RIMS2: variants seen among roughly 807,000 people sequenced by gnomAD.
The protein encoded by RIMS2 is regulating synaptic membrane exocytosis 2.
A neutral mutation model predicts 174.4 loss-of-function variants in RIMS2; 59 were observed. That is an observed-to-expected ratio of 0.34 (90% CI 0.27 to 0.42). The LOEUF (loss-of-function observed/expected upper bound fraction) is 0.42, where lower values mean the gene tolerates loss of function less well. Ranked by LOEUF, RIMS2 falls within the 10% of genes least tolerant of loss-of-function variation. The pLI is 1.00. For synonymous variants in RIMS2, 606 were observed against 572.5 expected, an observed-to-expected ratio of 1.06 and a Z score of -0.84; for missense variants, 1,620 against 1,666.3, an observed-to-expected ratio of 0.97 and a Z score of 0.48.
intron 19 of RIMS2, among the ~76,000 whole-genome samples, chr8:104,064,380 T>C (rs1293714862): frequency 1.3e-5 from 2 of 152,148 alleles, no homozygotes; most frequent in Non-Finnish European, 2.9e-5. Flanking sequence ...TTGAGCTATT[T>C]ATTAATTCCT....
intron 19 of RIMS2, among the ~76,000 whole-genome samples, chr8:104,172,137 G>A (rs933039982): frequency 2.0e-5 from 3 of 152,298 alleles, no homozygotes; most frequent in East Asian, 3.9e-4. Flanking sequence ...GGCCAATAGG[G>A]GAGATATCCC....
chr8:103,860,699 T>C (rs923115156), intron 3 of RIMS2, among the ~76,000 whole-genome samples: 1 of 152,036 alleles, frequency 6.6e-6, no homozygotes, highest in Admixed American at 6.6e-5. Flanking sequence ...TGGGAAAATA[T>C]GACAAATTTT....
rs1555075311 is a variant in RIMS2 at position 103,976,548 on chromosome 8, C to CTTTTTCTT, written c.2927+1047_2927+1048insCTTTTTTT. The CTTTTTCTT allele has an allele frequency of 8.6e-4, 107 of 124,564 alleles. 2 individuals carry two copies. The highest frequency in any genetic ancestry group is 1.0e-3 in the African/African-American group (32 of 31,102). The allele number at this position is 124,564 out of a possible 1,614,324, so 7.7% of individuals were successfully genotyped here. On this transcript the variant is annotated intron_variant, in intron 16 of 23. Transcript: ENST00000504942. ...TTTTTTTCTTTTTCTTTTTCTTTTT[C>CTTTTTCTT]TTTTTTTTTTTTTTTTTTGAGACAG... is the stretch of plus-strand genomic sequence containing the variant.
intron 3 of RIMS2, among the ~76,000 whole-genome samples, chr8:103,834,695 T>TCTTTCTTTCTTC (rs1442135821): frequency 1.3e-5 from 1 of 79,566 alleles, no homozygotes; most frequent in Non-Finnish European, 2.4e-5. Flanking sequence ...TTTCTTTCTT[T>TCTTTCTTTCTTC]CTTTCTTTCT....
At chr8:103,558,947 T>A (rs1324040721) in intron 1 of RIMS2, among the ~76,000 whole-genome samples, 1 of 152,056 alleles carries the variant, frequency 6.6e-6, no homozygotes, top group Non-Finnish European at 1.5e-5. Flanking sequence ...CATGCATCAT[T>A]TACAGGTAGC....
At chr8:104,199,357 C>G (rs6992548) in intron 19 of RIMS2, among the ~76,000 whole-genome samples, 1 of 151,968 alleles carries the variant, frequency 6.6e-6, no homozygotes, top group Admixed American at 6.6e-5. Context: ...CCACCACGCC[C>G]GGCCTATTTT....
At chr8:103,967,093 G>A (rs1002696743) in intron 15 of RIMS2, among the ~76,000 whole-genome samples, 2 of 142,454 alleles carry the variant, frequency 1.4e-5, no homozygotes, top group South Asian at 2.3e-4. Flanking sequence ...GTCCATAAAT[G>A]TTGATTATAT....
intron 19 of RIMS2, among the ~76,000 whole-genome samples, chr8:104,169,334 ATATAT>A (rs2098818079): frequency 7.4e-5 from 3 of 40,544 alleles, no homozygotes; most frequent in African/African-American, 3.9e-4. Flanking sequence ...ATATATATAT[ATATAT>A]AAAACAGATT....
intron 19 of RIMS2, among the ~76,000 whole-genome samples, chr8:104,099,691 A>G (rs534085377): frequency 6.6e-5 from 10 of 152,302 alleles, no homozygotes; most frequent in East Asian, 5.8e-4. Context: ...AGTTAGATCA[A>G]TTTCAGGATT....
At chr8:103,691,800 A>G (rs1014387540) in intron 1 of RIMS2, among the ~76,000 whole-genome samples, 5 of 152,152 alleles carry the variant, frequency 3.3e-5, no homozygotes, top group African/African-American at 1.2e-4. Context: ...TAGTCTTCAC[A>G]GTCTGGGGTT....
At chr8:103,858,738 CA>C (rs2099042229) in intron 3 of RIMS2, among the ~76,000 whole-genome samples, 1 of 150,486 alleles carries the variant, frequency 6.6e-6, no homozygotes, top group Non-Finnish European at 1.5e-5. Context: ...CCTATACACA[CA>C]CACACACACA....
chr8:103,871,478 T>C (rs1594251598), intron 3 of RIMS2, among the ~76,000 whole-genome samples: 1 of 152,202 alleles, frequency 6.6e-6, no homozygotes, highest in East Asian at 1.9e-4. Flanking sequence ...AATGTGTAGA[T>C]TCAGTTATAT....
chr8:103,964,098 G>A (rs2091061118), intron 15 of RIMS2, among the ~76,000 whole-genome samples: 1 of 152,184 alleles, frequency 6.6e-6, no homozygotes, highest in Non-Finnish European at 1.5e-5. Flanking sequence ...GGTTGCTTCT[G>A]AGTTTTGGCA....
At chr8:104,013,376 G>A in intron 17 of RIMS2, 66 bp from the exon 20 acceptor site, 2 of 1,240,642 alleles carry the variant, frequency 1.6e-6, no homozygotes, top group East Asian at 4.9e-5. Flanking sequence ...TCAGTTTGAT[G>A]CATCATAACC....
chr8:104,009,990 ATGG>A (rs1319397708), intron 17 of RIMS2, among the ~76,000 whole-genome samples: 3 of 151,230 alleles, frequency 2.0e-5, no homozygotes, highest in African/African-American at 7.3e-5. Flanking sequence ...GGATGGATAG[ATGG>A]ATGGATGGAT....
chr8:103,811,129 A>T (rs1027088430), intron 3 of RIMS2, among the ~76,000 whole-genome samples: 1 of 152,138 alleles, frequency 6.6e-6, no homozygotes, highest in Non-Finnish European at 1.5e-5. Flanking sequence ...TGGTGAATGT[A>T]ACTATTGGAG....
Position 103,563,544 on chromosome 8 carries a change from A to G in RIMS2, c.176+62482A>G, listed in dbSNP as rs186490076. Among the ~76,000 whole-genome samples, 478 of 152,306 alleles carry G rather than the reference A, an allele frequency of 3.1e-3. 4 individuals carry two copies. The highest frequency in any genetic ancestry group is 0.011 in the African/African-American group (449 of 41,574). On this transcript the variant is annotated intron_variant, in intron 1 of 23. Transcript: ENST00000504942. The stretch of plus-strand genomic sequence containing the variant: ...TCAGCATTTTGGTCAAAGCCATTCA[A>G]CAAGTCACTAGGGAGTTCCAAACTT...
At chr8:103,824,563 A>G (rs1395958923) in intron 3 of RIMS2, among the ~76,000 whole-genome samples, 2 of 152,222 alleles carry the variant, frequency 1.3e-5, no homozygotes, top group Non-Finnish European at 2.9e-5. Context: ...GTATCTTAAA[A>G]TATGAGGGCT....
At chr8:103,636,060 A>G (rs2096067416) in intron 1 of RIMS2, among the ~76,000 whole-genome samples, 1 of 151,884 alleles carries the variant, frequency 6.6e-6, no homozygotes, top group South Asian at 2.1e-4. Context: ...GTCAGCTCAC[A>G]CTCTCCAAAG....
Sources: allele counts gnomAD v4.1 joint callset (sites outside exome capture counted in the v4.1 genomes callset), GRCh38; gene constraint gnomAD v4.1.1; transcripts MANE v1.5; gene names NCBI Gene and HGNC (gene_info 2026-07-23, HGNC 2026-07-21).